SOX5: variants seen among roughly 807,000 people sequenced by gnomAD.
SOX5 encodes the protein SRY-box transcription factor 5.
Under a neutral mutation model 92.0 loss-of-function variants are expected in SOX5, and 9 were observed. The ratio of observed to expected loss-of-function variants is 0.10; its 90% CI spans 0.06 to 0.17. The LOEUF (loss-of-function observed/expected upper bound fraction) is 0.17, where lower values mean the gene tolerates loss of function less well. Ranked by LOEUF, SOX5 falls within the 10% of genes least tolerant of loss-of-function variation. The probability of loss-of-function intolerance (pLI) is 1.00; values close to 1 mark genes in which losing one functional copy is unlikely to be tolerated. For missense variants in SOX5, 642 were observed against 944.5 expected, an observed-to-expected ratio of 0.68 and a Z score of 4.20; for synonymous variants, 344 against 336.3, an observed-to-expected ratio of 1.02 and a Z score of -0.25.
chr12:24,137,596 C>T (rs1341604944), intron 4 of SOX5, among the ~76,000 whole-genome samples: 1 of 152,144 alleles, frequency 6.6e-6, no homozygotes, highest in Non-Finnish European at 1.5e-5. Context: ...CACGCCACTG[C>T]AATCCTGCCT....
At chr12:23,554,302 G>A in intron 11 of SOX5, among the ~76,000 whole-genome samples, 1 of 151,962 alleles carries the variant, frequency 6.6e-6, no homozygotes, top group Non-Finnish European at 1.5e-5. Flanking sequence ...ATAAAGAATT[G>A]GAAAACAGAT....
intron 1 of SOX5, among the ~76,000 whole-genome samples, chr12:23,921,899 C>A (rs1461815420): frequency 1.3e-5 from 2 of 152,190 alleles, no homozygotes; most frequent in Admixed American, 6.5e-5. Flanking sequence ...TTCTTCCCTG[C>A]CACTCCATTA....
chr12:24,335,993 A>ATATATATATATAT (rs1395314485), intron 2 of SOX5, among the ~76,000 whole-genome samples: 30 of 138,298 alleles, frequency 2.2e-4, no homozygotes, highest in South Asian at 1.2e-3. Flanking sequence ...ATATATCCAT[A>ATATATATATATAT]ATATTAAATT....
At position 23,531,403 on chromosome 12, in the gene SOX5, T is replaced by C. The variant is rs1475767530; in HGVS notation, c.*2816A>G. The C allele has an allele frequency of 6.6e-6, 1 of 152,218 alleles. No individual in the cohort carries two copies. Among genetic ancestry groups the C allele is most frequent in the Non-Finnish European group, 1.5e-5 (1 of 68,034 alleles). 9.4% of individuals were successfully genotyped at this position (152,218 alleles called of 1,614,324 possible). ...AAAGTGTTGTCAATTCATCGGTAAG[T>C]GTGTTAGAATTGATTTCAGCCATGA... On this transcript the variant is annotated 3_prime_UTR_variant, in exon 15 of 15. Coordinates refer to ENST00000451604, the MANE Select transcript of SOX5 (RefSeq NM_006940.6).
intron 1 of SOX5, among the ~76,000 whole-genome samples, chr12:23,913,755 A>G (rs373470226): frequency 2.6e-5 from 4 of 151,990 alleles, no homozygotes; most frequent in Admixed American, 6.6e-5. Context: ...AAAAAAAAAA[A>G]AAAGAAAGCA....
chr12:24,475,779 C>T (rs377638775), intron 1 of SOX5, among the ~76,000 whole-genome samples: 1 of 152,074 alleles, frequency 6.6e-6, no homozygotes, highest in African/African-American at 2.4e-5. Context: ...CTCAGGAGTT[C>T]GAGTCCAGCC....
rs758468824 is a variant in SOX5 at position 23,665,574 on chromosome 12, G to A, written c.811-10C>T. On this transcript the variant is annotated splice_polypyrimidine_tract_variant and intron_variant, in intron 6 of 14. Coordinates refer to ENST00000451604, the MANE Select transcript of SOX5 (RefSeq NM_006940.6). ...GCAGCTGACCTTGAACCTGCTGAAC[G>A]TGATAGAGCGAATCAAAGAGAAGAA... The A allele has an allele frequency of 1.2e-5, 20 of 1,600,058 alleles. No individual in the cohort carries two copies. The highest frequency in any genetic ancestry group is 2.2e-5 in the South Asian group (2 of 88,906).
intron 4 of SOX5, among the ~76,000 whole-genome samples, chr12:24,141,230 T>C (rs1242720079): frequency 6.6e-6 from 1 of 152,206 alleles, no homozygotes; most frequent in Non-Finnish European, 1.5e-5. Context: ...CTACATGATT[T>C]AGTCCAGGTT....
At chr12:24,376,689 CCTTTTTTTTTTTTTTTTTTT>C (rs1343903038) in intron 1 of SOX5, among the ~76,000 whole-genome samples, 6 of 93,084 alleles carry the variant, frequency 6.4e-5, no homozygotes, top group African/African-American at 2.4e-4. Flanking sequence ...GGGAGAGATA[CCTTTTTTTTTTTTTTTTTTT>C]TTTTTTTTTT....
At chr12:24,247,645 C>CTTT (rs11300258) in intron 3 of SOX5, among the ~76,000 whole-genome samples, 21 of 75,556 alleles carry the variant, frequency 2.8e-4, no homozygotes, top group African/African-American at 6.4e-4. Context: ...TATTTATTTA[C>CTTT]TTTTTTTTTT....
chr12:23,848,730 A>C (rs2096600728), intron 2 of SOX5, among the ~76,000 whole-genome samples: 1 of 152,228 alleles, frequency 6.6e-6, no homozygotes, highest in African/African-American at 2.4e-5. Context: ...ACCAGCTAAC[A>C]TAAGCATAAG....
At chr12:24,494,298 A>C (rs773762462) in intron 1 of SOX5, among the ~76,000 whole-genome samples, 4 of 152,202 alleles carry the variant, frequency 2.6e-5, no homozygotes, top group African/African-American at 7.2e-5. Context: ...ATGGGACCTG[A>C]TGGTTTACTG....
chr12:24,190,598 A>G (rs1398096951), intron 4 of SOX5, among the ~76,000 whole-genome samples: 1 of 152,186 alleles, frequency 6.6e-6, no homozygotes, highest in African/African-American at 2.4e-5. Context: ...ATGTGACACT[A>G]TAGACATTCT....
At chr12:24,325,480 T>C (rs991235099) in intron 2 of SOX5, among the ~76,000 whole-genome samples, 2 of 152,118 alleles carry the variant, frequency 1.3e-5, no homozygotes, top group African/African-American at 4.8e-5. Context: ...AAGACCAAGA[T>C]GGCAGGATAC....
At chr12:24,321,763 G>A (rs1206659847) in intron 2 of SOX5, among the ~76,000 whole-genome samples, 1 of 152,150 alleles carries the variant, frequency 6.6e-6, no homozygotes, top group Non-Finnish European at 1.5e-5. Flanking sequence ...CGAGTACCTA[G>A]AGTAGGTTGG....
At chr12:23,737,635 C>G (rs1486435211) in intron 5 of SOX5, among the ~76,000 whole-genome samples, 6 of 152,150 alleles carry the variant, frequency 3.9e-5, no homozygotes, top group Non-Finnish European at 5.9e-5. Flanking sequence ...ATAATGCCTG[C>G]AAGGCCCTAT....
chr12:23,737,183 G>A (rs745938621), intron 5 of SOX5, among the ~76,000 whole-genome samples: 8 of 151,974 alleles, frequency 5.3e-5, no homozygotes, highest in Non-Finnish European at 1.2e-4. Flanking sequence ...CCCGTTCACC[G>A]TGTCTCTCAT....
At chr12:23,628,658 G>C (rs746312732) in intron 8 of SOX5, among the ~76,000 whole-genome samples, 2 of 151,982 alleles carry the variant, frequency 1.3e-5, no homozygotes, top group Non-Finnish European at 2.9e-5. Flanking sequence ...ACGGCATTAA[G>C]AGAAAGGTCA....
intron 2 of SOX5, among the ~76,000 whole-genome samples, chr12:24,338,624 T>C (rs140575292): frequency 2.0e-5 from 3 of 152,348 alleles, no homozygotes; most frequent in African/African-American, 7.2e-5. Context: ...GCCCAAGCCT[T>C]ACATTGAACT....
Sources: allele counts gnomAD v4.1 joint callset (sites outside exome capture counted in the v4.1 genomes callset), GRCh38; gene constraint gnomAD v4.1.1; transcripts MANE v1.5; gene names NCBI Gene and HGNC (gene_info 2026-07-23, HGNC 2026-07-21).